Variants in TRIM9 observed in about 807,000 individuals in gnomAD.
TRIM9 encodes the protein tripartite motif containing 9, also known as E3 ubiquitin-protein ligase TRIM9.
A neutral mutation model predicts 78.3 loss-of-function variants in TRIM9; 26 were observed. The ratio of observed to expected loss-of-function variants is 0.33; its 90% CI spans 0.24 to 0.46. The LOEUF (loss-of-function observed/expected upper bound fraction) is 0.46. Ranked by LOEUF, TRIM9 falls within the 20% of genes least tolerant of loss-of-function variation. The probability of loss-of-function intolerance (pLI) is 1.00; values close to 1 mark genes in which losing one functional copy is unlikely to be tolerated. For missense variants in TRIM9, 787 were observed against 1,036.4 expected, an observed-to-expected ratio of 0.76 and a Z score of 3.30; for synonymous variants, 398 against 416.5, an observed-to-expected ratio of 0.96 and a Z score of 0.54.
intron 1 of TRIM9, among the ~76,000 whole-genome samples, chr14:51,090,370 C>A (rs1486284599): frequency 6.6e-6 from 1 of 152,098 alleles, no homozygotes; most frequent in East Asian, 1.9e-4. Flanking sequence ...TAAAGCTAAG[C>A]AGATATTTTT....
chr14:51,050,438 T>G (rs2060317329), intron 1 of TRIM9, among the ~76,000 whole-genome samples: 1 of 152,242 alleles, frequency 6.6e-6, no homozygotes, highest in Non-Finnish European at 1.5e-5. Flanking sequence ...CCTTCCACCA[T>G]GATTGTGAGG....
rs1474004298 is a variant in TRIM9, at chr14:50,983,245, A to G, written c.1834+135T>C. ...CTTTTCCATTTTTTAAGAGTTTGAG[A>G]AACTGCTATAATAGGGTTAGAATGA... On this transcript the variant is annotated intron_variant, in intron 9 of 12. Transcript: ENST00000684578. 8 of 756,568 alleles carry G rather than the reference A, an allele frequency of 1.1e-5. No individual in the cohort carries two copies. In the East Asian group the frequency reaches 1.9e-4, roughly 18 times the overall value. The allele number at this position is 756,568 out of a possible 1,614,324, so 46.9% of individuals were successfully genotyped here.
intron 1 of TRIM9, among the ~76,000 whole-genome samples, chr14:51,073,195 T>C (rs2062452466): frequency 6.6e-6 from 1 of 152,202 alleles, no homozygotes; most frequent in Non-Finnish European, 1.5e-5. Context: ...TGAGGAGTAC[T>C]ACTGGGAGAG....
chr14:51,072,475 C>T (rs545110304), intron 1 of TRIM9, among the ~76,000 whole-genome samples: 12 of 151,836 alleles, frequency 7.9e-5, no homozygotes, highest in East Asian at 1.9e-4. Flanking sequence ...ACAATACATA[C>T]GAGGAATTCA....
chr14:51,029,453 A>G (rs113623348), intron 1 of TRIM9, among the ~76,000 whole-genome samples: 2,031 of 152,298 alleles, frequency 0.013, 44 homozygotes, highest in African/African-American at 0.045. Flanking sequence ...AGGTACAAAG[A>G]TAAACACAAC....
intron 1 of TRIM9, among the ~76,000 whole-genome samples, chr14:51,068,021 C>G (rs2061899139): frequency 6.6e-6 from 1 of 152,302 alleles, no homozygotes; most frequent in Non-Finnish European, 1.5e-5. Flanking sequence ...AGTTTTCAAA[C>G]TTTAATGTGC....
intron 1 of TRIM9, among the ~76,000 whole-genome samples, chr14:51,033,464 TGTCTTG>T (rs2058900876): frequency 6.6e-6 from 1 of 152,242 alleles, no homozygotes; most frequent in South Asian, 2.1e-4. Context: ...TGTCATACCA[TGTCTTG>T]ACTGAGGGTT....
intron 3 of TRIM9, among the ~76,000 whole-genome samples, chr14:51,020,398 T>C (rs1317248649): frequency 6.6e-6 from 1 of 152,000 alleles, no homozygotes; most frequent in Non-Finnish European, 1.5e-5. Flanking sequence ...TCATTCGAGA[T>C]AGAAGACAGA....
chr14:50,978,691 T>G lies in TRIM9; in HGVS notation c.2325+696A>C, dbSNP rs141480436. On this transcript the variant is annotated intron_variant, in intron 12 of 12. Coordinates refer to ENST00000684578, the MANE Select transcript of TRIM9 (RefSeq NM_001387360.1). ...CACCATCTGATTAACATTGTAATTA[T>G]GCTTATTATTTATTGTCTGTCTCCT... is the stretch of plus-strand genomic sequence containing the variant. 2.9e-3 allele frequency: 470 copies of G among 162,538 alleles called. 4 individuals carry two copies. Among genetic ancestry groups the G allele is most frequent in the African/African-American group, 0.011 (447 of 41,776 alleles). The allele number at this position is 162,538 out of a possible 1,614,324, so 10.1% of individuals were successfully genotyped here.
At chr14:51,031,094 GC>G (rs2058686426) in intron 1 of TRIM9, among the ~76,000 whole-genome samples, 2 of 139,506 alleles carry the variant, frequency 1.4e-5, no homozygotes, top group African/African-American at 5.3e-5. Flanking sequence ...GTTGCAGTGA[GC>G]TGTGATTGCG....
At position 51,000,889 on chromosome 14, in the gene TRIM9, C is replaced by T. The variant is rs754504649; in HGVS notation, c.1307-49G>A. Reference sequence around the variant, plus strand: ...TGGCTTCTGTTAAGCTGCAGATATTCCAGTATCTTAGAATGACAAGCATCC... The same window carrying T: ...TGGCTTCTGTTAAGCTGCAGATATTTCAGTATCTTAGAATGACAAGCATCC... On this transcript the variant is annotated intron_variant, in intron 5 of 12. Transcript: ENST00000684578. 2.1e-5 allele frequency: 33 copies of T among 1,605,198 alleles called. 1 individual carries two copies. In the Admixed American group the frequency reaches 5.5e-4, roughly 27 times the overall value.
chr14:51,028,532 G>C (rs1489148438), intron 1 of TRIM9, among the ~76,000 whole-genome samples: 3 of 152,212 alleles, frequency 2.0e-5, no homozygotes, highest in Admixed American at 6.5e-5. Flanking sequence ...CAGGACCACA[G>C]AGCAGTGCTG....
intron 1 of TRIM9, among the ~76,000 whole-genome samples, chr14:51,067,053 T>A (rs1248737755): frequency 6.6e-6 from 1 of 152,216 alleles, no homozygotes; most frequent in East Asian, 1.9e-4. Context: ...TTCCTTGAGC[T>A]GTAGACCAGG....
intron 3 of TRIM9, among the ~76,000 whole-genome samples, chr14:51,021,562 C>T (rs1256465439): frequency 6.6e-6 from 1 of 152,164 alleles, no homozygotes; most frequent in Non-Finnish European, 1.5e-5. Flanking sequence ...CATGTCCCTG[C>T]CTCCTCCTGC....
At chr14:51,068,251 G>A (rs1378607075) in intron 1 of TRIM9, among the ~76,000 whole-genome samples, 1 of 152,142 alleles carries the variant, frequency 6.6e-6, no homozygotes, top group African/African-American at 2.4e-5. Context: ...TGAAAAAGGA[G>A]TAAACACCTG....
intron 12 of TRIM9, among the ~76,000 whole-genome samples, chr14:50,977,714 G>A (rs1263543166): frequency 2.6e-5 from 4 of 152,218 alleles, no homozygotes; most frequent in Non-Finnish European, 5.9e-5. Flanking sequence ...ATAGAGGACA[G>A]ATTCGCAGAG....
chr14:51,020,630 T>A (rs2057667609), intron 3 of TRIM9, among the ~76,000 whole-genome samples: 1 of 152,228 alleles, frequency 6.6e-6, no homozygotes, highest in African/African-American at 2.4e-5. Context: ...CGATGTGGCA[T>A]CCCAGCGATG....
intron 5 of TRIM9, among the ~76,000 whole-genome samples, chr14:51,007,531 C>T (rs1013971212): frequency 6.6e-6 from 1 of 152,180 alleles, no homozygotes; most frequent in Non-Finnish European, 1.5e-5. Flanking sequence ...GCCATGCTCC[C>T]TGACTTTGAA....
In TRIM9 at chr14:51,064,468, C is replaced by T. The variant is rs570853805; in HGVS notation, c.822+29650G>A. The stretch of plus-strand genomic sequence containing the variant: ...ATAAATAAGTCCCAACTATAATTAT[C>T]TATAAAAAGTGTATTTTAAATATAA... On this transcript the variant is annotated intron_variant, in intron 1 of 12. Transcript: ENST00000684578. Among the ~76,000 whole-genome samples, 22 of 151,318 alleles carry T rather than the reference C, an allele frequency of 1.5e-4. No individual in the cohort carries two copies. In the South Asian group the frequency reaches 3.5e-3, roughly 24 times the overall value.
Sources: gnomAD v4.1 joint callset for allele counts (sites outside exome capture counted in the v4.1 genomes callset) on GRCh38, gnomAD v4.1.1 for gene constraint, MANE v1.5 for transcripts, NCBI Gene and HGNC (gene_info 2026-07-23, HGNC 2026-07-21) for gene names.